The following METTL15 variants were observed in gnomAD, a reference collection of about 807,000 sequenced individuals.
The protein encoded by METTL15 is methyltransferase 15, mitochondrial 12S rRNA N4-cytidine, also known as 12S rRNA N(4)-cytidine methyltransferase METTL15.
A neutral mutation model predicts 38.3 loss-of-function variants in METTL15; 34 were observed. The observed-to-expected ratio is 0.89, with a 90% CI of 0.68 to 1.18. METTL15 has a LOEUF of 1.18. Among genes scored for constraint, METTL15 ranks in the 50% most tolerant of loss-of-function variants. The pLI, the probability that METTL15 is intolerant of heterozygous loss-of-function variation, is 0.00. For synonymous variants in METTL15, 162 were observed against 170.9 expected (o/e 0.95, Z 0.41); for missense variants, 438 against 498.4 (o/e 0.88, Z 1.15).
chr11:28,126,427 CT>C (rs553979406), intron 3 of METTL15, among the ~76,000 whole-genome samples: 44 of 152,220 alleles, frequency 2.9e-4, no homozygotes, highest in African/African-American at 1.0e-3. Flanking sequence ...TTTTGTCTGA[CT>C]TTTACCACTG....
intron 3 of METTL15, among the ~76,000 whole-genome samples, chr11:28,209,200 A>C (rs1852512895): frequency 6.6e-6 from 1 of 152,008 alleles, no homozygotes; most frequent in African/African-American, 2.4e-5. Context: ...GTCTCAGAAT[A>C]AGGGTAATTG....
intron 5 of METTL15, among the ~76,000 whole-genome samples, chr11:28,378,496 G>A (rs577773288): frequency 3.3e-5 from 5 of 152,328 alleles, no homozygotes; most frequent in Admixed American, 1.3e-4. Flanking sequence ...GTGAGGCAAT[G>A]CCTCGCCCTG....
chr11:28,148,128 A>G (rs556442819), intron 3 of METTL15, among the ~76,000 whole-genome samples: 1 of 152,044 alleles, frequency 6.6e-6, no homozygotes, highest in African/African-American at 2.4e-5. Context: ...TTCTTGAGTC[A>G]TATCTTGGGA....
downstream of METTL15, among the ~76,000 whole-genome samples, chr11:28,528,014 T>TA (rs1177696653): frequency 1.4e-4 from 22 of 152,166 alleles, no homozygotes; most frequent in African/African-American, 4.1e-4. Flanking sequence ...GAAGAATTTG[T>TA]AAAAAAATGA....
At chr11:28,178,325 T>A (rs183301196) in intron 3 of METTL15, among the ~76,000 whole-genome samples, 21 of 152,088 alleles carry the variant, frequency 1.4e-4, no homozygotes, top group African/African-American at 2.4e-5. Context: ...TAAAAATGTA[T>A]CAGTTATTTT....
chr11:28,168,939 C>A (rs1317879364), intron 3 of METTL15, among the ~76,000 whole-genome samples: 2 of 151,990 alleles, frequency 1.3e-5, no homozygotes, highest in Non-Finnish European at 2.9e-5. Context: ...AGGTCAGGAC[C>A]AGATTAGAAT....
At chr11:28,289,309 A>G (rs890494159) in intron 4 of METTL15, among the ~76,000 whole-genome samples, 2 of 152,186 alleles carry the variant, frequency 1.3e-5, no homozygotes, top group Non-Finnish European at 2.9e-5. Flanking sequence ...CTCCATTGGA[A>G]TTGTATTTAA....
intron 4 of METTL15, among the ~76,000 whole-genome samples, chr11:28,228,326 C>T (rs1853561113): frequency 6.7e-6 from 1 of 149,632 alleles, no homozygotes; most frequent in Admixed American, 6.6e-5. Flanking sequence ...CTGCTATTTA[C>T]TCACTATAAA....
In METTL15 at chr11:28,110,167, A is replaced by G. The variant is rs1448081368; in HGVS notation, c.-252A>G. 3 of 152,246 alleles carry G rather than the reference A, an allele frequency of 2.0e-5. No individual in the cohort carries two copies. The highest frequency in any genetic ancestry group is 4.4e-5 in the Non-Finnish European group (3 of 68,034). 9.4% of individuals were successfully genotyped at this position (152,246 alleles called of 1,614,324 possible). ...TGAGGTCTTATTTATTTCCCCCAGG[A>G]AAGTCGTTTGGAAACCCCAGGCCAA... On this transcript the variant is annotated splice_region_variant and 5_prime_UTR_variant, in exon 2 of 7. Transcript: ENST00000407364.
At chr11:28,453,018 T>C (rs186265302) in intron 6 of METTL15, among the ~76,000 whole-genome samples, 22 of 152,336 alleles carry the variant, frequency 1.4e-4, no homozygotes, top group Non-Finnish European at 2.5e-4. Flanking sequence ...CCATTTTCCA[T>C]CTGGCCAACC....
At chr11:28,454,258 T>C (rs533536195) in intron 6 of METTL15, among the ~76,000 whole-genome samples, 1 of 152,362 alleles carries the variant, frequency 6.6e-6, no homozygotes, top group South Asian at 2.1e-4. Context: ...TGACTAACTT[T>C]TAATGGCCAC....
chr11:28,109,425 T>A (rs1851622622), intron 1 of METTL15, among the ~76,000 whole-genome samples: 1 of 152,210 alleles, frequency 6.6e-6, no homozygotes, highest in Non-Finnish European at 1.5e-5. Flanking sequence ...TATTAGTCCC[T>A]TTACATATGG....
chr11:28,388,168 C>G (rs1267319096), intron 5 of METTL15, among the ~76,000 whole-genome samples: 1 of 152,102 alleles, frequency 6.6e-6, no homozygotes, highest in South Asian at 2.1e-4. Flanking sequence ...AAGATTCTCA[C>G]TCTCACTGCT....
intron 5 of METTL15, among the ~76,000 whole-genome samples, chr11:28,397,581 A>C (rs1443149256): frequency 7.9e-5 from 12 of 152,042 alleles, no homozygotes; most frequent in Non-Finnish European, 2.9e-5. Context: ...TTAAAAAGTC[A>C]GGAAACAACA....
chr11:28,114,325 T>A (rs1851852124), intron 3 of METTL15, among the ~76,000 whole-genome samples: 1 of 152,252 alleles, frequency 6.6e-6, no homozygotes, highest in Non-Finnish European at 1.5e-5. Context: ...TCTTTTTTAT[T>A]GCTGAATCAT....
intron 6 of METTL15, among the ~76,000 whole-genome samples, chr11:28,463,430 T>C (rs1019504872): frequency 6.6e-6 from 1 of 152,160 alleles, no homozygotes; most frequent in Non-Finnish European, 1.5e-5. Flanking sequence ...TTATAATAAT[T>C]ATAAGTAACT....
chr11:28,364,858 C>T (rs965452292), intron 5 of METTL15, among the ~76,000 whole-genome samples: 1 of 152,116 alleles, frequency 6.6e-6, no homozygotes, highest in Non-Finnish European at 1.5e-5. Flanking sequence ...TCCTTCAGTG[C>T]CTAATCTGTT....
At chr11:28,179,510 C>T (rs1851206097) in intron 3 of METTL15, among the ~76,000 whole-genome samples, 1 of 151,758 alleles carries the variant, frequency 6.6e-6, no homozygotes, top group East Asian at 1.9e-4. Context: ...TTTTGAATTT[C>T]ATTCACATGA....
At chr11:28,495,491 C>G (rs890168382) in intron 6 of METTL15, among the ~76,000 whole-genome samples, 1 of 152,154 alleles carries the variant, frequency 6.6e-6, no homozygotes, top group African/African-American at 2.4e-5. Flanking sequence ...ACTACCATCT[C>G]GGCTCCTCCT....
Sources: allele counts gnomAD v4.1 joint callset (sites outside exome capture counted in the v4.1 genomes callset), GRCh38; gene constraint gnomAD v4.1.1; transcripts MANE v1.5; gene names NCBI Gene and HGNC (gene_info 2026-07-23, HGNC 2026-07-21).